Variants in CHMP3 observed in about 807,000 individuals in gnomAD.
CHMP3 encodes 25.1 protein.
Under a neutral mutation model 27.4 loss-of-function variants are expected in CHMP3, and 8 were observed. The ratio of observed to expected loss-of-function variants is 0.29; its 90% CI spans 0.17 to 0.53. The LOEUF (loss-of-function observed/expected upper bound fraction) is 0.53, where lower values mean the gene tolerates loss of function less well. Ranked by LOEUF, CHMP3 falls within the 20% of genes least tolerant of loss-of-function variation. The probability of loss-of-function intolerance (pLI) is 0.96; values close to 1 mark genes in which losing one functional copy is unlikely to be tolerated. For synonymous variants in CHMP3, 86 were observed against 85.5 expected (o/e 1.01, Z -0.03); for missense variants, 208 against 271.5 (o/e 0.77, Z 1.64).
chr2:86,556,869 C>T (rs1484893627), intron 1 of CHMP3, among the ~76,000 whole-genome samples: 2 of 152,184 alleles, frequency 1.3e-5, no homozygotes, highest in Admixed American at 6.5e-5. Flanking sequence ...TTTCATCCGT[C>T]GTTTGGCCAG....
intron 3 of CHMP3, chr2:86,512,478 G>C (rs1675140909): frequency 4.6e-5 from 7 of 152,070 alleles, no homozygotes; most frequent in Admixed American, 4.6e-4. Context: ...ACTAAGACAG[G>C]TATTTAAAAA....
intron 1 of CHMP3, among the ~76,000 whole-genome samples, chr2:86,556,844 T>C (rs1558663975): frequency 6.6e-6 from 1 of 152,192 alleles, no homozygotes; most frequent in Non-Finnish European, 1.5e-5. Context: ...TGGATACCTG[T>C]GTCTGAGTGT....
chr2:86,552,464 C>T (rs1353928578), intron 1 of CHMP3, among the ~76,000 whole-genome samples: 1 of 152,148 alleles, frequency 6.6e-6, no homozygotes, highest in Admixed American at 6.5e-5. Flanking sequence ...ACTCTAAAAA[C>T]CCTTATAGAA....
At chr2:86,545,769 T>C (rs932890952) in intron 1 of CHMP3, among the ~76,000 whole-genome samples, 10 of 64,320 alleles carry the variant, frequency 1.6e-4, no homozygotes, top group East Asian at 1.4e-3. Flanking sequence ...TCTCAGACGA[T>C]GGGTGGCCGG....
At chr2:86,530,655 T>C (rs1250541212) in intron 2 of CHMP3, among the ~76,000 whole-genome samples, 1 of 152,256 alleles carries the variant, frequency 6.6e-6, no homozygotes, top group East Asian at 1.9e-4. Context: ...CAAATGTCTT[T>C]GAGACCCTGC....
intron 2 of CHMP3, among the ~76,000 whole-genome samples, chr2:86,531,741 G>C (rs1036098751): frequency 1.3e-5 from 2 of 152,196 alleles, no homozygotes; most frequent in South Asian, 4.1e-4. Flanking sequence ...CCACTGAATG[G>C]TCTTGCTACC....
At chr2:86,539,921 G>C (rs1676296284) in intron 2 of CHMP3, among the ~76,000 whole-genome samples, 1 of 151,894 alleles carries the variant, frequency 6.6e-6, no homozygotes, top group African/African-American at 2.4e-5. Context: ...GCTTTTGTTT[G>C]AAAATATCTT....
intron 3 of CHMP3, among the ~76,000 whole-genome samples, chr2:86,516,954 G>C (rs996239887): frequency 1.3e-5 from 2 of 152,130 alleles, no homozygotes; most frequent in African/African-American, 4.8e-5. Flanking sequence ...TGATTGCATC[G>C]ATGGCAATAT....
In CHMP3 at chr2:86,510,382, C is replaced by T; in HGVS notation, c.384G>A (p.Arg128=). ...CCTTCATCATTTCTTTGGACAACTC[C>T]CTCATGGTGGCCTGAATCTCTGGAA... is the stretch of plus-strand genomic sequence containing the variant. ...VKIPEIQATM[R]ELSKEMMKAG... is the part of the protein sequence containing the mutation. The change falls in exon 4 of 6, where the codon AGG becomes AGA. Residue 128 remains arginine, a synonymous_variant. Coordinates refer to ENST00000263856, the MANE Select transcript of CHMP3 (RefSeq NM_016079.4). The T allele has an allele frequency of 6.2e-7, 1 of 1,614,118 alleles. No individual in the cohort carries two copies. Among genetic ancestry groups the T allele is most frequent in the Non-Finnish European group, 8.5e-7 (1 of 1,180,002 alleles).
chr2:86,507,682 A>G, intron 4 of CHMP3, 89 bp from the exon 5 acceptor site: 1 of 1,078,416 alleles, frequency 9.3e-7, no homozygotes, highest in South Asian at 1.3e-5. Flanking sequence ...GCTCTAGCCT[A>G]AGTCCAGTCT....
chr2:86,562,788 T>C lies in CHMP3; in HGVS notation c.45+516A>G, dbSNP rs375520836. On this transcript the variant is annotated intron_variant, in intron 1 of 5. Coordinates refer to ENST00000263856, the MANE Select transcript of CHMP3 (RefSeq NM_016079.4). ...TCCCTGCCCCGCTACGGTATGTGCC[T>C]AGGGTCAACACAAGGGCTGGGGAAA... 1.7e-4 allele frequency: 26 copies of C among 153,112 alleles called. 1 individual carries two copies. In the East Asian group the frequency reaches 3.9e-3, roughly 23 times the overall value. 9.5% of individuals were successfully genotyped at this position (153,112 alleles called of 1,614,324 possible).
chr2:86,522,617 C>A (rs762786078), intron 3 of CHMP3, among the ~76,000 whole-genome samples: 10 of 152,138 alleles, frequency 6.6e-5, no homozygotes, highest in Non-Finnish European at 1.5e-4. Context: ...CTCAAAGGCT[C>A]AGAGCATCTC....
chr2:86,544,921 G>GGGT (rs1676507406), intron 1 of CHMP3, among the ~76,000 whole-genome samples: 1 of 134,674 alleles, frequency 7.4e-6, no homozygotes, highest in African/African-American at 2.8e-5. Flanking sequence ...TTCCCAGACG[G>GGGT]GGCAGCCGGG....
At chr2:86,554,849 ATT>A (rs70956122) in intron 1 of CHMP3, among the ~76,000 whole-genome samples, 64 of 127,766 alleles carry the variant, frequency 5.0e-4, no homozygotes, top group South Asian at 1.7e-3. Context: ...GTGTGTGTAG[ATT>A]TTTTTTTTTT....
chr2:86,561,004 C>A (rs1164532813), intron 1 of CHMP3, among the ~76,000 whole-genome samples: 2 of 152,194 alleles, frequency 1.3e-5, no homozygotes, highest in Non-Finnish European at 2.9e-5. Context: ...CTAGGTCCCA[C>A]CTCCAACACT....
intron 3 of CHMP3, among the ~76,000 whole-genome samples, chr2:86,528,390 C>T (rs1675794615): frequency 6.6e-6 from 1 of 152,160 alleles, no homozygotes. Context: ...TGGTTATTCA[C>T]AGGTGTAATC....
At chr2:86,517,553 G>A (rs1219823191) in intron 3 of CHMP3, among the ~76,000 whole-genome samples, 12 of 126,176 alleles carry the variant, frequency 9.5e-5, no homozygotes, top group African/African-American at 2.1e-4. Flanking sequence ...GAGACAGAGC[G>A]AGACTCCGTC....
At chr2:86,551,037 T>C (rs1676886984) in intron 1 of CHMP3, among the ~76,000 whole-genome samples, 1 of 152,168 alleles carries the variant, frequency 6.6e-6, no homozygotes, top group African/African-American at 2.4e-5. Context: ...TAATTTAAGT[T>C]TCTGAATGAT....
In CHMP3 at chr2:86,505,827, G is replaced by T; in HGVS notation, c.646C>A (p.Arg216=). The T allele has an allele frequency of 6.3e-7, 1 of 1,594,112 alleles. No homozygotes were observed. ...EEEALEAMQS[R]LATLRS ...CCCTAGCTGCGGAGTGTGGCCAGCC[G>T]GGACTGCATGGCCTCCAGAGCCTCT... Residue 216 remains arginine, a synonymous_variant, in exon 6 of 6, where the codon CGG becomes AGG. Coordinates refer to ENST00000263856, the MANE Select transcript of CHMP3 (RefSeq NM_016079.4).
Sources: allele counts gnomAD v4.1 joint callset (sites outside exome capture counted in the v4.1 genomes callset), GRCh38; gene constraint gnomAD v4.1.1; transcripts MANE v1.5; gene names NCBI Gene and HGNC (gene_info 2026-07-23, HGNC 2026-07-21).